DPYS: variants seen among roughly 807,000 people sequenced by gnomAD.
DPYS encodes dihydropyrimidine amidohydrolase.
Under a neutral mutation model 50.3 loss-of-function variants are expected in DPYS, and 39 were observed. The observed-to-expected ratio is 0.78, with a 90% CI of 0.60 to 1.01. The LOEUF (loss-of-function observed/expected upper bound fraction) is 1.01. Ranked by LOEUF, DPYS falls within the 50% of genes least tolerant of loss-of-function variation. The pLI, the probability that DPYS is intolerant of heterozygous loss-of-function variation, is 0.00. For missense variants in DPYS, 659 were observed against 680.9 expected (o/e 0.97, Z 0.36); for synonymous variants, 245 against 250.7 (o/e 0.98, Z 0.22).
At chr8:104,455,090 T>G (rs1041246950) in intron 1 of DPYS, among the ~76,000 whole-genome samples, 1 of 152,110 alleles carries the variant, frequency 6.6e-6, no homozygotes, top group African/African-American at 2.4e-5. Context: ...TGTATACCTA[T>G]GTAACAAACC....
intron 4 of DPYS, among the ~76,000 whole-genome samples, chr8:104,434,045 G>A (rs1813043873): frequency 6.6e-6 from 1 of 152,164 alleles, no homozygotes; most frequent in African/African-American, 2.4e-5. Context: ...TTGGGGCACA[G>A]TCTAGTTTTA....
intron 7 of DPYS, among the ~76,000 whole-genome samples, chr8:104,415,839 T>C (rs376800306): frequency 4.4e-4 from 67 of 152,306 alleles, no homozygotes; most frequent in African/African-American, 1.5e-3. Context: ...TGGTCCTGTC[T>C]GAATTAAGTC....
intron 1 of DPYS, among the ~76,000 whole-genome samples, chr8:104,461,112 T>C (rs942239513): frequency 7.4e-6 from 1 of 135,164 alleles, no homozygotes; most frequent in South Asian, 2.4e-4. Context: ...AGTGAGACCC[T>C]GTCTCTACAA....
intron 6 of DPYS, among the ~76,000 whole-genome samples, 158 bp downstream of exon 6, chr8:104,427,817 GATGGA>G (rs1318777676): frequency 1.3e-5 from 2 of 152,188 alleles, no homozygotes; most frequent in Non-Finnish European, 2.9e-5. Flanking sequence ...TATACTGAGG[GATGGA>G]ATGGTGGTCG....
intron 8 of DPYS, among the ~76,000 whole-genome samples, chr8:104,383,851 C>T (rs917477659): frequency 6.6e-6 from 1 of 152,148 alleles, no homozygotes; most frequent in African/African-American, 2.4e-5. Context: ...ATCCACCTGC[C>T]TCAGTTTCCC....
At chr8:104,427,440 G>A (rs990747773) in intron 6 of DPYS, among the ~76,000 whole-genome samples, 9 of 151,272 alleles carry the variant, frequency 5.9e-5, no homozygotes, top group African/African-American at 1.9e-4. Context: ...CACCATGCCC[G>A]GCTAACTTTT....
intron 8 of DPYS, among the ~76,000 whole-genome samples, chr8:104,382,646 T>G (rs1252249319): frequency 6.6e-6 from 1 of 150,974 alleles, no homozygotes; most frequent in Admixed American, 6.6e-5. Context: ...AGTAGGACAC[T>G]TCTTAGCATG....
At chr8:104,446,570 G>A (rs1391445139) in intron 3 of DPYS, among the ~76,000 whole-genome samples, 1 of 152,164 alleles carries the variant, frequency 6.6e-6, no homozygotes, top group Non-Finnish European at 1.5e-5. Context: ...AATACTTCCT[G>A]TTGTCATGAA....
intron 7 of DPYS, among the ~76,000 whole-genome samples, chr8:104,396,761 A>G (rs1811602325): frequency 6.6e-6 from 1 of 151,930 alleles, no homozygotes; most frequent in South Asian, 2.1e-4. Context: ...TCCTTGATGT[A>G]AGTTGTGATC....
chr8:104,380,042 C>A (rs761328134), intron 9 of DPYS, among the ~76,000 whole-genome samples, 199 bp from the exon 10 acceptor site: 2 of 152,086 alleles, frequency 1.3e-5, no homozygotes, highest in Non-Finnish European at 2.9e-5. Context: ...ACAAAATCAT[C>A]CTAGATTAGA....
intron 7 of DPYS, among the ~76,000 whole-genome samples, chr8:104,422,327 G>A (rs542651921): frequency 4.6e-5 from 7 of 152,278 alleles, no homozygotes; most frequent in African/African-American, 1.7e-4. Flanking sequence ...CCACCTGATT[G>A]GAAGACAACA....
chr8:104,440,721 T>C (rs1180956605), intron 4 of DPYS, among the ~76,000 whole-genome samples: 1 of 151,448 alleles, frequency 6.6e-6, no homozygotes, highest in Non-Finnish European at 1.5e-5. Flanking sequence ...ATCGCGACAC[T>C]GCACTCCAGC....
chr8:104,396,620 A>T (rs189085374), intron 7 of DPYS, among the ~76,000 whole-genome samples: 1 of 152,306 alleles, frequency 6.6e-6, no homozygotes, highest in Non-Finnish European at 1.5e-5. Context: ...GAGTATGTAC[A>T]TTATGTCTAC....
intron 8 of DPYS, among the ~76,000 whole-genome samples, chr8:104,386,608 CT>C (rs199736922): frequency 6.9e-4 from 100 of 144,402 alleles, no homozygotes; most frequent in Middle Eastern, 3.7e-3. Flanking sequence ...GCTAGATTTT[CT>C]TTTTTTTTTT....
intron 4 of DPYS, among the ~76,000 whole-genome samples, chr8:104,434,241 G>A (rs143401096): frequency 1.9e-3 from 287 of 152,288 alleles, no homozygotes; most frequent in African/African-American, 6.4e-3. Flanking sequence ...GATAAGGGGC[G>A]GTGGAGACCA....
rs368749153 is a variant in DPYS at position 104,446,732 on chromosome 8, TA to T, written c.603+591del. Among the ~76,000 whole-genome samples, 318 of 151,304 alleles carry T rather than the reference TA, an allele frequency of 2.1e-3. 3 individuals are homozygous for T. The highest frequency in any genetic ancestry group is 7.0e-3 in the African/African-American group (287 of 41,276). ...TAATGGGAGCTGAGCCTAAGGAGAT[TA>T]AAAAAAAAGTCAGCTAATATAAAGG... On this transcript the variant is annotated intron_variant, in intron 3 of 9. Coordinates refer to ENST00000351513, the MANE Select transcript of DPYS (RefSeq NM_001385.3).
intron 1 of DPYS, among the ~76,000 whole-genome samples, chr8:104,465,185 T>A (rs1472115969): frequency 6.6e-6 from 1 of 150,614 alleles, no homozygotes; most frequent in Non-Finnish European, 1.5e-5. Context: ...CAGAAATCAG[T>A]ATATGAATGA....
chr8:104,460,599 T>A (rs1298950057), intron 1 of DPYS, among the ~76,000 whole-genome samples: 1 of 151,986 alleles, frequency 6.6e-6, no homozygotes, highest in Non-Finnish European at 1.5e-5. Flanking sequence ...GCCAGACATG[T>A]GAGAGAGAAA....
chr8:104,415,081 T>A (rs1342544782), intron 7 of DPYS, among the ~76,000 whole-genome samples: 4 of 152,226 alleles, frequency 2.6e-5, no homozygotes, highest in Non-Finnish European at 5.9e-5. Flanking sequence ...AAATCACACA[T>A]TTGTCCATTA....
Sources: allele counts gnomAD v4.1 joint callset (sites outside exome capture counted in the v4.1 genomes callset), GRCh38; gene constraint gnomAD v4.1.1; transcripts MANE v1.5; gene names NCBI Gene and HGNC (gene_info 2026-07-23, HGNC 2026-07-21).